SEC24A: variants seen among roughly 807,000 people sequenced by gnomAD.
The protein encoded by SEC24A is SEC24 homolog A, COPII component.
In SEC24A, 93 loss-of-function variants were observed where a neutral mutation model predicts 129.4. That is an observed-to-expected ratio of 0.72 (90% CI 0.61 to 0.85). The LOEUF is 0.85. SEC24A is among the 40% of genes least tolerant of loss of function. SEC24A has a pLI of 0.00. For missense variants in SEC24A, 1,264 were observed against 1,307.4 expected (o/e 0.97, Z 0.51); for synonymous variants, 460 against 467.3 (o/e 0.98, Z 0.20).
chr5:134,684,538 C>T (rs1751384961), intron 9 of SEC24A, among the ~76,000 whole-genome samples: 1 of 151,844 alleles, frequency 6.6e-6, no homozygotes, highest in Non-Finnish European at 1.5e-5. Context: ...CATGGTGAAA[C>T]CCCATCTCTA....
chr5:134,685,476 A>G (rs1423094695), intron 9 of SEC24A, among the ~76,000 whole-genome samples: 4 of 152,200 alleles, frequency 2.6e-5, no homozygotes, highest in African/African-American at 7.2e-5. Context: ...GATTTAAAGT[A>G]TACAAAAGGA....
At chr5:134,667,668 A>C (rs974797964) in intron 3 of SEC24A, among the ~76,000 whole-genome samples, 14 of 150,182 alleles carry the variant, frequency 9.3e-5, no homozygotes, top group Admixed American at 3.4e-4. Flanking sequence ...AAAAAAAAAA[A>C]CAAAAAAAAA....
Position 134,682,360 on chromosome 5 carries a change from T to G in SEC24A, c.1382-13T>G, listed in dbSNP as rs1385287267. On this transcript the variant is annotated splice_polypyrimidine_tract_variant and intron_variant, in intron 8 of 22. Transcript: ENST00000398844. ...TCAGTTTTTTCAATATGTGTATTGT[T>G]AACTTTATATAGTTCCTGAAGAATT... 7.0e-7 allele frequency: 1 copy of G among 1,424,876 alleles called. No individual in the cohort carries two copies. The highest frequency in any genetic ancestry group is 1.8e-5 in the Admixed American group (1 of 54,104). The allele number at this position is 1,424,876 out of a possible 1,614,324, so 88.3% of individuals were successfully genotyped here.
At chr5:134,684,058 A>G (rs1300156390) in intron 9 of SEC24A, among the ~76,000 whole-genome samples, 1 of 152,104 alleles carries the variant, frequency 6.6e-6, no homozygotes, top group Non-Finnish European at 1.5e-5. Flanking sequence ...TAATCCCAGC[A>G]CTTTGGGATG....
chr5:134,671,844 G>T lies in SEC24A; in HGVS notation c.775G>T (p.Val259Phe). 1 of 1,608,834 alleles carries T rather than the reference G, an allele frequency of 6.2e-7. No homozygotes were observed. Among genetic ancestry groups the T allele is most frequent in the Non-Finnish European group, 8.5e-7 (1 of 1,177,998 alleles). The change falls in exon 4 of 23, where the codon GTC (valine) becomes TTC (phenylalanine). Residue 259 changes from valine (V) to phenylalanine (F), a missense_variant. Transcript: ENST00000398844. ...TSNTNNGSMV[V>F]HSSYDEIEGG... is the part of the protein sequence containing the mutation. ...AAATACCAATAACGGATCTATGGTGGTCCACAGTAGTTACGACGAGATTGA... is the reference window on the plus strand; with the variant it reads ...AAATACCAATAACGGATCTATGGTGTTCCACAGTAGTTACGACGAGATTGA...
chr5:134,675,822 G>A (rs905420351), intron 6 of SEC24A, among the ~76,000 whole-genome samples: 4 of 152,160 alleles, frequency 2.6e-5, no homozygotes, highest in African/African-American at 9.7e-5. Context: ...CTATATTTTA[G>A]TTATAGGATA....
chr5:134,670,764 C>T (rs964938245), intron 3 of SEC24A, among the ~76,000 whole-genome samples: 1 of 152,060 alleles, frequency 6.6e-6, no homozygotes, highest in Admixed American at 6.6e-5. Flanking sequence ...CCAAGGCACG[C>T]GGATCACGAG....
In SEC24A at chr5:134,717,744, C is replaced by T. The variant is rs866432279; in HGVS notation, c.2866-325C>T. On this transcript the variant is annotated intron_variant, in intron 19 of 22. Transcript: ENST00000398844. ...CAGCCTGACCAACATGGAGAAACTC[C>T]GTCTCTACTAAAAATACAAAATTAG... Among the ~76,000 whole-genome samples the T allele has an allele frequency of 5.5e-4, 84 of 151,726 alleles. 2 individuals carry two copies. Among genetic ancestry groups the T allele is most frequent in the Non-Finnish European group, 2.4e-4 (16 of 67,950 alleles).
chr5:134,701,562 G>GTT (rs1023428062), intron 15 of SEC24A, among the ~76,000 whole-genome samples: 1 of 150,946 alleles, frequency 6.6e-6, no homozygotes, highest in Non-Finnish European at 1.5e-5. Context: ...CCAGGCTGGA[G>GTT]TGTAATGGCG....
chr5:134,661,257 C>G lies in SEC24A; in HGVS notation c.236C>G (p.Ser79Cys), dbSNP rs1295091993. 1 of 1,614,130 alleles carries G rather than the reference C, an allele frequency of 6.2e-7. No individual in the cohort carries two copies. Among genetic ancestry groups the G allele is most frequent in the Non-Finnish European group, 8.5e-7 (1 of 1,180,036 alleles). The stretch of plus-strand genomic sequence containing the variant: ...TCTGGACAGTCTAACTATGGTGGTT[C>G]TCAGGGATCTGGGCAGACTCTTAAT... The part of the protein sequence containing the change: ...PVSGQSNYGG[S>C]QGSGQTLNRP... Residue 79 changes from serine (S) to cysteine (C), a missense_variant, in exon 2 of 23, where the codon TCT becomes TGT. Physicochemically the swap from Ser to Cys is moderately radical, Grantham distance 112 (BLOSUM62 -1). Transcript: ENST00000398844.
chr5:134,666,798 G>A (rs775784615), intron 2 of SEC24A, 25 bp from the exon 3 acceptor site: 93 of 1,610,028 alleles, frequency 5.8e-5, no homozygotes, highest in South Asian at 1.9e-4. Flanking sequence ...CTCAAGTGAC[G>A]TGTGAAAAAC....
Position 134,667,129 on chromosome 5 carries a change from G to A in SEC24A, c.739+133G>A, listed in dbSNP as rs933478751. 12 of 676,352 alleles carry A rather than the reference G, an allele frequency of 1.8e-5. No homozygotes were observed. The East Asian group carries it at 3.6e-4, about 20-fold the overall frequency. 41.9% of individuals were successfully genotyped at this position (676,352 alleles called of 1,614,324 possible). A position where few individuals can be genotyped will look rare whatever the true frequency, so the allele number is the denominator to read the frequency against. On this transcript the variant is annotated intron_variant, in intron 3 of 22. Coordinates refer to ENST00000398844, the MANE Select transcript of SEC24A (RefSeq NM_021982.3). The stretch of plus-strand genomic sequence containing the variant: ...TAGTTTTGGTTAGGGATGGGCTACA[G>A]GAATTTACAATTTAAAGTTCCTCAG...
At chr5:134,664,201 C>G (rs535767460) in intron 2 of SEC24A, among the ~76,000 whole-genome samples, 1 of 151,886 alleles carries the variant, frequency 6.6e-6, no homozygotes, top group East Asian at 1.9e-4. Context: ...TCTTTTTTCT[C>G]ATTTGAACCT....
At chr5:134,669,702 C>T (rs1056247019) in intron 3 of SEC24A, among the ~76,000 whole-genome samples, 1 of 151,812 alleles carries the variant, frequency 6.6e-6, no homozygotes, top group Non-Finnish European at 1.5e-5. Context: ...TGGTCTCGAT[C>T]TCCTGACCTT....
chr5:134,656,776 G>A (rs529546534), intron 1 of SEC24A, among the ~76,000 whole-genome samples: 18 of 145,766 alleles, frequency 1.2e-4, no homozygotes, highest in Non-Finnish European at 2.4e-4. Flanking sequence ...CACTGCATCC[G>A]ACTTTTTTTT....
Position 134,682,494 on chromosome 5 carries a change from T to A in SEC24A, c.1491+12T>A, listed in dbSNP as rs749087442. On this transcript the variant is annotated intron_variant, in intron 9 of 22. Transcript: ENST00000398844. ...CTTCAGAATACATGGTAAACTTTTA[T>A]TTTTTGATACAGTATACCCATTTTT... The A allele has an allele frequency of 7.2e-7, 1 of 1,388,160 alleles. No homozygotes were observed. The highest frequency in any genetic ancestry group is 1.7e-5 in the Admixed American group (1 of 57,840). 86.0% of individuals were successfully genotyped at this position (1,388,160 alleles called of 1,614,324 possible). A position where few individuals can be genotyped will look rare whatever the true frequency, so the allele number is the denominator to read the frequency against.
intron 4 of SEC24A, among the ~76,000 whole-genome samples, chr5:134,672,986 T>G (rs1750923137): frequency 6.6e-6 from 1 of 151,658 alleles, no homozygotes; most frequent in African/African-American, 2.4e-5. Flanking sequence ...AAGAGATCCC[T>G]CCTGCCTTGG....
intron 1 of SEC24A, among the ~76,000 whole-genome samples, chr5:134,656,275 G>A (rs1290185389): frequency 6.6e-6 from 1 of 151,760 alleles, no homozygotes; most frequent in East Asian, 1.9e-4. Flanking sequence ...GAAGAGATGG[G>A]GTTTCACCGT....
chr5:134,673,296 C>T (rs1036320235), intron 4 of SEC24A, among the ~76,000 whole-genome samples: 3 of 151,890 alleles, frequency 2.0e-5, no homozygotes. Flanking sequence ...CCTTGTGATC[C>T]ACCTACCTCG....
Sources: allele counts gnomAD v4.1 joint callset (sites outside exome capture counted in the v4.1 genomes callset), GRCh38; gene constraint gnomAD v4.1.1; transcripts MANE v1.5; gene names NCBI Gene and HGNC (gene_info 2026-07-23, HGNC 2026-07-21).